Variants in TFEB observed in about 807,000 individuals in gnomAD.
TFEB encodes T-cell transcription factor EB.
A neutral mutation model predicts 48.0 loss-of-function variants in TFEB; 12 were observed. That is an observed-to-expected ratio of 0.25 (90% confidence interval 0.16 to 0.40). The LOEUF (loss-of-function observed/expected upper bound fraction) is 0.40, where lower values mean the gene tolerates loss of function less well. Among genes scored for constraint, TFEB ranks in the 10% least tolerant of loss-of-function variants. The probability of loss-of-function intolerance (pLI) is 1.00; values close to 1 mark genes in which losing one functional copy is unlikely to be tolerated. For missense variants in TFEB, 509 were observed against 640.3 expected, an observed-to-expected ratio of 0.79 and a Z score of 2.21; for synonymous variants, 244 against 261.4, an observed-to-expected ratio of 0.93 and a Z score of 0.64.
chr6:41,687,012 T>A (rs2127446093), intron 7 of TFEB, 82 bp downstream of exon 7: 1 of 1,188,318 alleles, frequency 8.4e-7, no homozygotes, highest in East Asian at 2.3e-5. Context: ...TCCTAGTAAC[T>A]AGCATGGGGC....
intron 1 of TFEB, among the ~76,000 whole-genome samples, chr6:41,706,280 G>A (rs1770216430): frequency 6.6e-6 from 1 of 152,204 alleles, no homozygotes; most frequent in South Asian, 2.1e-4. Flanking sequence ...GGGGGCAGAA[G>A]GGGGAATTAA....
At chr6:41,694,199 G>T (rs554590006) in intron 1 of TFEB, among the ~76,000 whole-genome samples, 1 of 152,320 alleles carries the variant, frequency 6.6e-6, no homozygotes, top group South Asian at 2.1e-4. Context: ...GCTGGACCCT[G>T]CCTCTCACTG....
intron 8 of TFEB, 22 bp from the exon 9 acceptor site, chr6:41,685,100 G>T: frequency 1.4e-6 from 2 of 1,428,846 alleles, no homozygotes; most frequent in South Asian, 1.6e-5. Flanking sequence ...CAGACAGAAG[G>T]CTGGGGAACA....
intron 1 of TFEB, among the ~76,000 whole-genome samples, chr6:41,718,239 C>T (rs749230475): frequency 1.4e-4 from 22 of 151,866 alleles, no homozygotes; most frequent in African/African-American, 4.6e-4. Flanking sequence ...GACAGGGTCT[C>T]GCTCTGTCAC....
intron 1 of TFEB, among the ~76,000 whole-genome samples, chr6:41,713,099 G>T (rs1171449592): frequency 6.6e-6 from 1 of 152,014 alleles, no homozygotes; most frequent in Non-Finnish European, 1.5e-5. Flanking sequence ...AAGTCTGGCT[G>T]CGACCCCCAC....
At position 41,684,651 on chromosome 6, in the gene TFEB, T is replaced by C; in HGVS notation, c.1379A>G (p.Lys460Arg). The part of the protein sequence containing the change: ...LLSTMSPEAS[K>R]ASSRRSSFSM... ...GAAGCTGCTCCGGCGGCTGCTGGCC[T>C]TGGAGGCCTCGGGGGACATGGTGGA... is the stretch of plus-strand genomic sequence containing the variant. Residue 460 changes from lysine to arginine, a missense_variant, in exon 9 of 9, where the codon AAG becomes AGG. Lys to Arg is a conservative substitution (Grantham distance 26). Coordinates refer to ENST00000373033, the MANE Select transcript of TFEB (RefSeq NM_001271944.2). 6.2e-7 allele frequency: 1 copy of C among 1,611,134 alleles called. No homozygotes were observed. Among genetic ancestry groups the C allele is most frequent in the Non-Finnish European group, 8.5e-7 (1 of 1,178,806 alleles).
chr6:41,700,049 ACAG>A (rs1769812810), intron 1 of TFEB, among the ~76,000 whole-genome samples: 1 of 152,194 alleles, frequency 6.6e-6, no homozygotes, highest in Non-Finnish European at 1.5e-5. Context: ...ATGGTCTCCA[ACAG>A]CACACAAAGG....
chr6:41,715,554 C>T (rs1022710331), intron 1 of TFEB, among the ~76,000 whole-genome samples: 1 of 152,010 alleles, frequency 6.6e-6, no homozygotes, highest in Non-Finnish European at 1.5e-5. Flanking sequence ...CCTGTAATCC[C>T]AGCTACTCGG....
In TFEB at chr6:41,713,086, G is replaced by A. The variant is rs139335149; in HGVS notation, c.-22-21851C>T. On this transcript the variant is annotated intron_variant, in intron 1 of 8. Transcript: ENST00000373033. ...CTGCGGGGGCCAGGAGAAGGAGCAA[G>A]AGAAGTCTGGCTGCGACCCCCACCC... is the stretch of plus-strand genomic sequence containing the variant. Among the ~76,000 whole-genome samples, 328 of 152,160 alleles carry A rather than the reference G, an allele frequency of 2.2e-3. 2 individuals are homozygous for A. The highest frequency in any genetic ancestry group is 7.6e-3 in the African/African-American group (315 of 41,530).
intron 1 of TFEB, chr6:41,732,751 T>C (rs1219124086): frequency 1.3e-5 from 13 of 985,822 alleles, no homozygotes; most frequent in African/African-American, 3.5e-5. Flanking sequence ...TGTACATGCA[T>C]ATATGTTCAC....
intron 1 of TFEB, among the ~76,000 whole-genome samples, chr6:41,698,818 T>C (rs1769746411): frequency 6.6e-6 from 1 of 152,100 alleles, no homozygotes; most frequent in Admixed American, 6.5e-5. Context: ...AATACCAAAC[T>C]TGGGATTTTT....
At chr6:41,709,480 C>A (rs1305433056) in intron 1 of TFEB, among the ~76,000 whole-genome samples, 1 of 151,884 alleles carries the variant, frequency 6.6e-6, no homozygotes, top group East Asian at 1.9e-4. Flanking sequence ...ATAATGGATG[C>A]ATGCATAAAT....
At chr6:41,702,615 TCAGCCTATGTGGTC>T (rs138307665) in intron 1 of TFEB, among the ~76,000 whole-genome samples, 6,693 of 152,282 alleles carry the variant, frequency 0.044, 181 homozygotes, top group South Asian at 0.12. Context: ...GGATGCTACG[TCAGCCTATGTGGTC>T]AATGAGGTCC....
At chr6:41,697,486 C>T (rs900907717) in intron 1 of TFEB, among the ~76,000 whole-genome samples, 9 of 132,532 alleles carry the variant, frequency 6.8e-5, no homozygotes, top group African/African-American at 2.7e-4. Flanking sequence ...CCTTCACCAA[C>T]ACCACCCCTT....
At position 41,720,627 on chromosome 6, in the gene TFEB, A is replaced by C. The variant is rs1391445637; in HGVS notation, c.-23+14723T>G. On this transcript the variant is annotated intron_variant, in intron 1 of 8. Coordinates refer to ENST00000373033, the MANE Select transcript of TFEB (RefSeq NM_001271944.2). This position sits in a 1 kb window ranked among gnomAD's most constrained non-coding sequence, Gnocchi z 4.1. The stretch of plus-strand genomic sequence containing the variant: ...AAGCACTTCCCAGGGCAGGGATCTA[A>C]ATAGTGGGAAGTCTTCTGGCTTCTG... 1.3e-5 allele frequency: 2 copies of C among 152,120 alleles called. No homozygotes were observed. Among genetic ancestry groups the C allele is most frequent in the African/African-American group, 4.8e-5 (2 of 41,402 alleles). 9.4% of individuals were successfully genotyped at this position (152,120 alleles called of 1,614,324 possible). A position where few individuals can be genotyped will look rare whatever the true frequency, so the allele number is the denominator to read the frequency against.
At chr6:41,694,137 C>T (rs1487489171) in intron 1 of TFEB, among the ~76,000 whole-genome samples, 1 of 152,198 alleles carries the variant, frequency 6.6e-6, no homozygotes, top group Non-Finnish European at 1.5e-5. Flanking sequence ...AGCTGAGCGT[C>T]TGGCCTGGCC....
Position 41,734,946 on chromosome 6 carries a change from A to AG in TFEB, c.-23+403dup. ...CGCCGGCCCCAGCCGTGTCCGGTGG[A>AG]GGGGGAGTGGGCGCGGGGCCCGCGC... On this transcript the variant is annotated intron_variant, in intron 1 of 8. Coordinates refer to ENST00000373033, the MANE Select transcript of TFEB (RefSeq NM_001271944.2). This position sits in a 1 kb window ranked among gnomAD's most constrained non-coding sequence, Gnocchi z 4.0. 1 of 984,872 alleles carries AG rather than the reference A, an allele frequency of 1.0e-6. No homozygotes were observed. The highest frequency in any genetic ancestry group is 1.2e-6 in the Non-Finnish European group (1 of 829,810). 61.0% of individuals were successfully genotyped at this position (984,872 alleles called of 1,614,324 possible).
chr6:41,687,375 C>T (rs1372784125), intron 6 of TFEB, among the ~76,000 whole-genome samples: 5 of 152,200 alleles, frequency 3.3e-5, no homozygotes. Context: ...ATTAAGAGCA[C>T]TGAAAGGTAG....
chr6:41,691,089 T>C lies in TFEB; in HGVS notation c.125A>G (p.Gln42Arg). ...HYMQQQQQQQ[Q>R]QQLGGPPTPA... ...GGTGGGCGGCCCTCCGAGCTGCTGC[T>C]GTTGCTGCTGCTGCTGCTGCTGCAT... Residue 42 changes from glutamine (Q) to arginine (R), a missense_variant, in exon 2 of 9, where the codon CAG (glutamine) becomes CGG (arginine). Physicochemically the swap from Gln to Arg is conservative, Grantham distance 43. This residue lies in a region of TFEB where 251 missense variants were observed against 317.2 expected (regional missense o/e 0.79). Transcript: ENST00000373033. The surrounding 1 kb of genome is among the most constrained non-coding windows in gnomAD (Gnocchi z 5.2). The C allele has an allele frequency of 6.3e-7, 1 of 1,577,830 alleles. No individual in the cohort carries two copies. The highest frequency in any genetic ancestry group is 8.6e-7 in the Non-Finnish European group (1 of 1,160,524).
Sources: gnomAD v4.1 joint callset for allele counts (sites outside exome capture counted in the v4.1 genomes callset) on GRCh38, gnomAD v4.1.1 for gene constraint, gnomAD v4.1.1 regional missense constraint, Gnocchi (gnomAD v3.1) non-coding constraint, MANE v1.5 for transcripts, NCBI Gene and HGNC (gene_info 2026-07-23, HGNC 2026-07-21) for gene names.